The following IK variants were observed in gnomAD, a reference collection of about 807,000 sequenced individuals.
IK encodes the protein IK cytokine.
Under a neutral mutation model 90.9 loss-of-function variants are expected in IK, and 47 were observed. The ratio of observed to expected loss-of-function variants is 0.52; its 90% CI spans 0.41 to 0.66. IK has a LOEUF of 0.66. Ranked by LOEUF, IK falls within the 30% of genes least tolerant of loss-of-function variation. The pLI is 0.00. For missense variants in IK, 385 were observed against 709.3 expected, an observed-to-expected ratio of 0.54 and a Z score of 5.19; for synonymous variants, 201 against 227.5, an observed-to-expected ratio of 0.88 and a Z score of 1.05.
intron 8 of IK, 62 bp downstream of exon 8, chr5:140,654,789 T>C: frequency 2.7e-6 from 3 of 1,095,594 alleles, no homozygotes; most frequent in Non-Finnish European, 4.1e-6. Flanking sequence ...AATTTAATGC[T>C]CTGGGAAGGA....
chr5:140,662,138 G>A, intron 18 of IK, 41 bp from the exon 19 acceptor site: 4 of 1,612,886 alleles, frequency 2.5e-6, no homozygotes, highest in Non-Finnish European at 3.4e-6. Context: ...GGTGAGCTTA[G>A]ATGGGCAGCT....
In IK at chr5:140,659,896, C is replaced by T. The variant is rs149437610; in HGVS notation, c.1274+62C>T. The T allele has an allele frequency of 4.3e-4, 494 of 1,161,320 alleles. 1 individual carries two copies. Among genetic ancestry groups the T allele is most frequent in the South Asian group, 8.7e-4 (67 of 76,672 alleles). The allele number at this position is 1,161,320 out of a possible 1,614,324, so 71.9% of individuals were successfully genotyped here. A position where few individuals can be genotyped will look rare whatever the true frequency, so the allele number is the denominator to read the frequency against. On this transcript the variant is annotated intron_variant, in intron 14 of 19. Transcript: ENST00000417647. ...AACTGGTCTCTTTACTCCAACCCCC[C>T]CTGCCTCCCTGCTCCCTCCTACCCT...
rs747924967 is a variant in IK at position 140,653,007 on chromosome 5, T to TGAGA, written c.279_282dup (p.Leu95ArgfsTer22). The TGAGA allele has an allele frequency of 6.2e-7, 1 of 1,604,052 alleles. No homozygotes were observed. The highest frequency in any genetic ancestry group is 1.1e-5 in the South Asian group (1 of 90,302). ...ATGCCAAGCTACGCCAACAAGAAATTGAGAGAGAGAGAGAGCTAGCAGAGA... is the reference window on the plus strand; with the variant it reads ...ATGCCAAGCTACGCCAACAAGAAATTGAGAGAGAGAGAGAGAGAGCTAGCAGAGA... On this transcript the variant is annotated frameshift_variant, in exon 5 of 20. Coordinates refer to ENST00000417647, the MANE Select transcript of IK (RefSeq NM_006083.4). LOFTEE classifies it high-confidence loss of function.
chr5:140,657,006 T>TTCAA (rs1252150593), intron 9 of IK, among the ~76,000 whole-genome samples: 2 of 151,900 alleles, frequency 1.3e-5, no homozygotes, highest in African/African-American at 4.8e-5. Context: ...AGGTTAGGAG[T>TTCAA]TCAATACCAG....
chr5:140,661,013 G>C lies in IK; in HGVS notation c.1413+198G>C, dbSNP rs749270209. 1.1e-4 allele frequency: 53 copies of C among 484,610 alleles called. No individual in the cohort carries two copies. The highest frequency in any genetic ancestry group is 1.7e-4 in the Non-Finnish European group (46 of 274,160). 30.0% of individuals were successfully genotyped at this position (484,610 alleles called of 1,614,324 possible). A position where few individuals can be genotyped will look rare whatever the true frequency, so the allele number is the denominator to read the frequency against. Reference sequence around the variant, plus strand: ...CTTTGCACAAGATCAAATGACATAGGGTCAAAAATCTATTTTTTACTTCCT... The same window carrying C: ...CTTTGCACAAGATCAAATGACATAGCGTCAAAAATCTATTTTTTACTTCCT... On this transcript the variant is annotated intron_variant, in intron 16 of 19. Coordinates refer to ENST00000417647, the MANE Select transcript of IK (RefSeq NM_006083.4). The surrounding 1 kb of genome is among the most constrained non-coding windows in gnomAD (Gnocchi z 4.2).
At chr5:140,652,533 TATC>T (rs1757630806) in intron 4 of IK, among the ~76,000 whole-genome samples, 1 of 152,202 alleles carries the variant, frequency 6.6e-6, no homozygotes, top group African/African-American at 2.4e-5. Context: ...ATCATTATTA[TATC>T]ATCATCGTTA....
In IK at chr5:140,662,195, A is replaced by G; in HGVS notation, c.1628A>G (p.Lys543Arg). Residue 543 changes from lysine (K) to arginine (R), a missense_variant, in exon 19 of 20, where the codon AAG becomes AGG. By Grantham distance (26) the Lys-to-Arg change is conservative. Transcript: ENST00000417647. ...KKISAIIEKR[K>R]KMEADGVEVK... The stretch of plus-strand genomic sequence containing the variant: ...TTTTTGCAGATCATTGAGAAGAGGA[A>G]GAAGATGGAAGCTGATGGGTGAGCG... The G allele has an allele frequency of 6.2e-7, 1 of 1,614,000 alleles. No homozygotes were observed. Among genetic ancestry groups the G allele is most frequent in the Non-Finnish European group, 8.5e-7 (1 of 1,179,892 alleles).
Position 140,655,870 on chromosome 5 carries a change from G to T in IK, c.679G>T (p.Glu227Ter). 6.2e-7 allele frequency: 1 copy of T among 1,608,768 alleles called. No homozygotes were observed. Among genetic ancestry groups the T allele is most frequent in the Non-Finnish European group, 8.5e-7 (1 of 1,177,396 alleles). ...YRMLFKSKAY[E>*]RNELFLPGRM... is the part of the protein sequence containing the mutation. ...AATGCTTTTTAAGAGCAAAGCATAT[G>T]AGCGGAATGAGTTGTTCCTGCCGGG... Residue 227 changes from glutamate (E) to a stop codon, truncating the protein, a stop_gained, in exon 9 of 20, where the codon GAG (glutamate) becomes TAG (stop). Transcript: ENST00000417647. LOFTEE classifies it high-confidence loss of function.
rs1258876474 is a variant in IK at position 140,662,163 on chromosome 5, C to A, written c.1612-16C>A. 6.2e-7 allele frequency: 1 copy of A among 1,613,836 alleles called. No individual in the cohort carries two copies. Among genetic ancestry groups the A allele is most frequent in the South Asian group, 1.1e-5 (1 of 91,070 alleles). On this transcript the variant is annotated splice_polypyrimidine_tract_variant and intron_variant, in intron 18 of 19. Transcript: ENST00000417647. The stretch of plus-strand genomic sequence containing the variant: ...GATGGGCAGCTTGGTGATAGACTAT[C>A]CTGTTGTTTTTGCAGATCATTGAGA...
chr5:140,660,898 C>G (rs1757793829), intron 16 of IK, 83 bp downstream of exon 16: 7 of 1,091,124 alleles, frequency 6.4e-6, no homozygotes, highest in Non-Finnish European at 9.8e-6. Flanking sequence ...CCTAAAAAAT[C>G]TATCTCATTT....
Position 140,661,883 on chromosome 5 carries a change from C to G in IK, c.1503-16C>G, listed in dbSNP as rs1296067624. 2.5e-6 allele frequency: 4 copies of G among 1,593,430 alleles called. No homozygotes were observed. Among genetic ancestry groups the G allele is most frequent in the Non-Finnish European group, 2.6e-6 (3 of 1,168,748 alleles). On this transcript the variant is annotated splice_polypyrimidine_tract_variant and intron_variant, in intron 17 of 19. Coordinates refer to ENST00000417647, the MANE Select transcript of IK (RefSeq NM_006083.4). This position sits in a 1 kb window ranked among gnomAD's most constrained non-coding sequence, Gnocchi z 4.2. ...ATGCAATCTCTGATGCATTCTTTCC[C>G]AACTGCTTTTTTCAGGGCTGCATTC...
At position 140,661,687 on chromosome 5, in the gene IK, A is replaced by G. The variant is rs1196521928; in HGVS notation, c.1481A>G (p.Asn494Ser). ...CAGGAAGAATACAGCGAGTATATGA[A>G]CAACAAAGAAGCTTTGCCCAAGTGA... ...DTQEEYSEYM[N>S]NKEALPKAAF... Residue 494 changes from asparagine (N) to serine (S), a missense_variant, in exon 17 of 20, where the codon AAC (asparagine) becomes AGC (serine). Physicochemically the swap from Asn to Ser is conservative, Grantham distance 46. Transcript: ENST00000417647. The surrounding 1 kb of genome is among the most constrained non-coding windows in gnomAD (Gnocchi z 4.2). The G allele has an allele frequency of 1.2e-6, 2 of 1,609,302 alleles. No homozygotes were observed. The highest frequency in any genetic ancestry group is 1.7e-5 in the Admixed American group (1 of 59,342).
At chr5:140,655,163 A>G (rs891433954) in intron 8 of IK, among the ~76,000 whole-genome samples, 1 of 152,130 alleles carries the variant, frequency 6.6e-6, no homozygotes, top group African/African-American at 2.4e-5. Context: ...ATTATTTCAT[A>G]TGTCATTTAT....
In IK at chr5:140,660,215, G is replaced by A. The variant is rs1021493240; in HGVS notation, c.1355+20G>A. 2.5e-6 allele frequency: 4 copies of A among 1,571,772 alleles called. No homozygotes were observed. Among genetic ancestry groups the A allele is most frequent in the Non-Finnish European group, 2.6e-6 (3 of 1,143,312 alleles). On this transcript the variant is annotated intron_variant, in intron 15 of 19. Coordinates refer to ENST00000417647, the MANE Select transcript of IK (RefSeq NM_006083.4). ...AGCCACGTATGTGAAACCTGGTTAA[G>A]GAAGGGAGGCTGGGATGATTGGGAA...
At chr5:140,657,508 G>C in intron 9 of IK, 46 bp from the exon 10 acceptor site, 1 of 1,287,282 alleles carries the variant, frequency 7.8e-7, no homozygotes, top group South Asian at 1.3e-5. Context: ...TAAATGAAGA[G>C]ATTTCTGCTG....
At position 140,658,986 on chromosome 5, in the gene IK, C is replaced by T; in HGVS notation, c.998C>T (p.Pro333Leu). The change falls in exon 12 of 20, where the codon CCT (proline) becomes CTT (leucine). Residue 333 changes from proline (P) to leucine (L), a missense_variant. Transcript: ENST00000417647. ...GDYVPSTTKT[P>L]RDKERERYRE... ...TACGTACCCTCCACAACCAAGACAC[C>T]TCGGGACAAGGAGCGGGAGAGATAT... is the stretch of plus-strand genomic sequence containing the variant. The T allele has an allele frequency of 6.2e-7, 1 of 1,613,792 alleles. No individual in the cohort carries two copies. The highest frequency in any genetic ancestry group is 1.1e-5 in the South Asian group (1 of 91,072).
Position 140,659,011 on chromosome 5 carries a change from T to C in IK, c.1023T>C (p.Tyr341=), listed in dbSNP as rs370444118. The C allele has an allele frequency of 1.5e-4, 242 of 1,613,334 alleles. 1 individual carries two copies. The Middle Eastern group carries it at 1.6e-3, about 11-fold the overall frequency. The part of the protein sequence containing the change: ...KTPRDKERER[Y]RERERDRERD... ...CTCGGGACAAGGAGCGGGAGAGATA[T>C]CGGGAACGGGAGCGTGATCGGGAAA... Residue 341 remains tyrosine, a synonymous_variant, in exon 12 of 20, where the codon TAT becomes TAC. Transcript: ENST00000417647.
At chr5:140,659,890 A>ACC in intron 14 of IK, 56 bp downstream of exon 14, 2 of 1,265,664 alleles carry the variant, frequency 1.6e-6, no homozygotes, top group Non-Finnish European at 2.3e-6. Context: ...CTTTACTCCA[A>ACC]CCCCCCCTGC....
chr5:140,660,219 G>A, intron 15 of IK, 24 bp downstream of exon 15: 1 of 1,541,946 alleles, frequency 6.5e-7, no homozygotes, highest in Non-Finnish European at 9.0e-7. Flanking sequence ...GGTTAAGGAA[G>A]GGAGGCTGGG....
Sources: allele counts gnomAD v4.1 joint callset (sites outside exome capture counted in the v4.1 genomes callset), GRCh38; gene constraint gnomAD v4.1.1; non-coding constraint Gnocchi (gnomAD v3.1); transcripts MANE v1.5; gene names NCBI Gene and HGNC (gene_info 2026-07-23, HGNC 2026-07-21).